CDH4: variants seen among roughly 807,000 people sequenced by gnomAD.
CDH4 encodes the protein cadherin 4.
CDH4 carries 33 observed loss-of-function variants against 86.0 expected under a neutral mutation model. The ratio of observed to expected loss-of-function variants is 0.38; its 90% CI spans 0.29 to 0.51. The LOEUF is 0.51. Ranked by LOEUF, CDH4 falls within the 20% of genes least tolerant of loss-of-function variation. The pLI, the probability that CDH4 is intolerant of heterozygous loss-of-function variation, is 0.86. For synonymous variants in CDH4, 555 were observed against 549.4 expected (o/e 1.01, Z -0.14); for missense variants, 1,114 against 1,307.4 (o/e 0.85, Z 2.28).
At chr20:61,929,047 T>C (rs114589316) in intron 12 of CDH4, among the ~76,000 whole-genome samples, 3,598 of 152,338 alleles carry the variant, frequency 0.024, 114 homozygotes, top group African/African-American at 0.078. Context: ...ACTTTGCCTA[T>C]GTTTTCTTTG....
chr20:61,351,525 A>T (rs1018417874), intron 2 of CDH4, among the ~76,000 whole-genome samples: 3 of 152,046 alleles, frequency 2.0e-5, no homozygotes, highest in African/African-American at 7.3e-5. Context: ...TCTGCAACTT[A>T]CTTTTGTTGT....
At chr20:61,547,686 G>C (rs944713522) in intron 2 of CDH4, among the ~76,000 whole-genome samples, 1 of 152,094 alleles carries the variant, frequency 6.6e-6, no homozygotes, top group African/African-American at 2.4e-5. Context: ...GAATGTTCCC[G>C]AGCTCCTGCC....
Position 61,810,639 on chromosome 20 carries a change from C to G in CDH4, c.577-34029C>G, listed in dbSNP as rs563838074. ...TCCACCACTACCAACACCTCCCAGC[C>G]CCCTAACAAGCCAGGAACCACTCCA... is the stretch of plus-strand genomic sequence containing the variant. On this transcript the variant is annotated intron_variant, in intron 4 of 15. Transcript: ENST00000614565. The surrounding 1 kb of genome is among the most constrained non-coding windows in gnomAD (Gnocchi z 4.3). Among the ~76,000 whole-genome samples, 17 of 152,292 alleles carry G rather than the reference C, an allele frequency of 1.1e-4. No individual in the cohort carries two copies. The highest frequency in any genetic ancestry group is 2.1e-4 in the Non-Finnish European group (14 of 68,010).
At chr20:61,279,630 G>A (rs1190589990) in intron 2 of CDH4, among the ~76,000 whole-genome samples, 1 of 152,196 alleles carries the variant, frequency 6.6e-6, no homozygotes, top group East Asian at 1.9e-4. Context: ...AGGGAGCAGT[G>A]AAGCCAGGAC....
intron 2 of CDH4, among the ~76,000 whole-genome samples, chr20:61,483,453 C>T (rs1200121194): frequency 6.6e-6 from 1 of 152,188 alleles, no homozygotes; most frequent in African/African-American, 2.4e-5. Context: ...TACAAGAATT[C>T]ATCCCATGTC....
intron 2 of CDH4, among the ~76,000 whole-genome samples, chr20:61,511,162 T>G (rs2427145): frequency 0.57 from 87,108 of 152,102 alleles, 25,835 homozygotes; most frequent in African/African-American, 0.72. Flanking sequence ...ATGAGTGAAT[T>G]AGGTAGAATA....
chr20:61,766,371 C>A (rs1407792590), intron 3 of CDH4, among the ~76,000 whole-genome samples: 1 of 152,148 alleles, frequency 6.6e-6, no homozygotes, highest in Non-Finnish European at 1.5e-5. Context: ...CTAGGCCCCC[C>A]TTGGCCCAGC....
chr20:61,808,372 A>T (rs957463047), intron 4 of CDH4, among the ~76,000 whole-genome samples: 22 of 152,216 alleles, frequency 1.4e-4, no homozygotes, highest in South Asian at 8.3e-4. Flanking sequence ...AAATAAATTT[A>T]AAAAAATACA....
At chr20:61,461,552 C>T (rs1568853520) in intron 2 of CDH4, among the ~76,000 whole-genome samples, 1 of 152,104 alleles carries the variant, frequency 6.6e-6, no homozygotes, top group Admixed American at 6.6e-5. Context: ...GTGACTTACT[C>T]CTGAGTCCAG....
At chr20:61,768,352 A>G (rs1344650086) in intron 3 of CDH4, among the ~76,000 whole-genome samples, 9 of 152,164 alleles carry the variant, frequency 5.9e-5, no homozygotes. Context: ...ATTCATATAT[A>G]TCTATATGTG....
At position 61,392,972 on chromosome 20, in the gene CDH4, G is replaced by A. The variant is rs1269068706; in HGVS notation, c.169+138035G>A. On this transcript the variant is annotated intron_variant, in intron 2 of 15. Coordinates refer to ENST00000614565, the MANE Select transcript of CDH4 (RefSeq NM_001794.5). The surrounding 1 kb of genome is among the most constrained non-coding windows in gnomAD (Gnocchi z 5.7). ...CCCACCAAGGGCAGCCGAGCCTCCT[G>A]CTTGAGCACATGCCTTGTCGCTCAG... Among the ~76,000 whole-genome samples the A allele has an allele frequency of 6.6e-6, 1 of 152,168 alleles. No homozygotes were observed. Among genetic ancestry groups the A allele is most frequent in the African/African-American group, 2.4e-5 (1 of 41,438 alleles).
At chr20:61,606,349 G>A (rs2086645558) in intron 2 of CDH4, among the ~76,000 whole-genome samples, 1 of 152,210 alleles carries the variant, frequency 6.6e-6, no homozygotes, top group African/African-American at 2.4e-5. Flanking sequence ...CCATCCTACA[G>A]ACGAGGGCAC....
intron 2 of CDH4, among the ~76,000 whole-genome samples, chr20:61,701,561 G>A (rs566183948): frequency 1.1e-3 from 171 of 152,326 alleles, no homozygotes; most frequent in African/African-American, 4.0e-3. Context: ...TGTGGGCTTC[G>A]GGTCCTCATG....
intron 2 of CDH4, among the ~76,000 whole-genome samples, chr20:61,547,648 A>C (rs1342811195): frequency 1.3e-5 from 2 of 152,178 alleles, no homozygotes; most frequent in African/African-American, 4.8e-5. Context: ...TCCTTGGCCA[A>C]TGATGACACA....
At chr20:61,594,453 A>G (rs1213495541) in intron 2 of CDH4, among the ~76,000 whole-genome samples, 1 of 152,142 alleles carries the variant, frequency 6.6e-6, no homozygotes, top group Non-Finnish European at 1.5e-5. Context: ...CCAAGAGAGG[A>G]GAACAGAACT....
At chr20:61,385,890 G>C (rs1240356238) in intron 2 of CDH4, among the ~76,000 whole-genome samples, 1 of 152,218 alleles carries the variant, frequency 6.6e-6, no homozygotes, top group African/African-American at 2.4e-5. Context: ...CTTGGCATTT[G>C]CTATGTAGAT....
At chr20:61,619,342 C>A (rs1407476408) in intron 2 of CDH4, among the ~76,000 whole-genome samples, 1 of 152,234 alleles carries the variant, frequency 6.6e-6, no homozygotes, top group Non-Finnish European at 1.5e-5. Flanking sequence ...GTGATGTGGT[C>A]TCCTGGAGTT....
At chr20:61,279,018 G>A (rs2084244619) in intron 2 of CDH4, among the ~76,000 whole-genome samples, 1 of 152,212 alleles carries the variant, frequency 6.6e-6, no homozygotes, top group African/African-American at 2.4e-5. Flanking sequence ...TGCTGAGAGT[G>A]GAGGGGCTTT....
chr20:61,783,430 C>T (rs967971984), intron 4 of CDH4, among the ~76,000 whole-genome samples: 2 of 152,242 alleles, frequency 1.3e-5, no homozygotes, highest in African/African-American at 4.8e-5. Context: ...TCCTCCAATA[C>T]GTGAGAGAAA....
Sources: allele counts gnomAD v4.1 joint callset (sites outside exome capture counted in the v4.1 genomes callset), GRCh38; gene constraint gnomAD v4.1.1; non-coding constraint Gnocchi (gnomAD v3.1); transcripts MANE v1.5; gene names NCBI Gene and HGNC (gene_info 2026-07-23, HGNC 2026-07-21).